The following GRM8 variants were observed in gnomAD, a reference collection of about 807,000 sequenced individuals.
GRM8 encodes metabotropic glutamate receptor 8.
A neutral mutation model predicts 87.2 loss-of-function variants in GRM8; 47 were observed. That is an observed-to-expected ratio of 0.54 (90% CI 0.43 to 0.69). The LOEUF is 0.69. Ranked by LOEUF, GRM8 falls within the 30% of genes least tolerant of loss-of-function variation. The pLI, the probability that GRM8 is intolerant of heterozygous loss-of-function variation, is 0.00. For synonymous variants in GRM8, 396 were observed against 404.5 expected (o/e 0.98, Z 0.25); for missense variants, 1,019 against 1,139.2 (o/e 0.89, Z 1.52).
intron 3 of GRM8, among the ~76,000 whole-genome samples, chr7:126,978,626 C>T (rs926930018): frequency 6.6e-6 from 1 of 152,194 alleles, no homozygotes; most frequent in Non-Finnish European, 1.5e-5. Flanking sequence ...GATGCTGAAA[C>T]CCTGATTGGA....
chr7:126,779,188 G>A (rs1278799168), intron 6 of GRM8, among the ~76,000 whole-genome samples: 1 of 152,010 alleles, frequency 6.6e-6, no homozygotes, highest in Non-Finnish European at 1.5e-5. Flanking sequence ...TATATTCAAT[G>A]TGATATTTGG....
At chr7:126,659,828 A>G (rs1400614844) in intron 7 of GRM8, among the ~76,000 whole-genome samples, 1 of 152,192 alleles carries the variant, frequency 6.6e-6, no homozygotes, top group Non-Finnish European at 1.5e-5. Flanking sequence ...TTTGTGTGCT[A>G]GTAAGACTAA....
chr7:126,664,005 A>G (rs1805497713), intron 7 of GRM8, among the ~76,000 whole-genome samples: 1 of 152,192 alleles, frequency 6.6e-6, no homozygotes, highest in Non-Finnish European at 1.5e-5. Context: ...ATAATGCTCA[A>G]GCTGAGAGCC....
intron 2 of GRM8, among the ~76,000 whole-genome samples, chr7:127,126,132 C>A (rs1827358466): frequency 6.6e-6 from 1 of 151,926 alleles, no homozygotes; most frequent in Admixed American, 6.6e-5. Flanking sequence ...CGGGTATCTA[C>A]CCAAAGGAAA....
At chr7:126,782,409 T>A (rs1820174941) in intron 6 of GRM8, among the ~76,000 whole-genome samples, 1 of 152,218 alleles carries the variant, frequency 6.6e-6, no homozygotes, top group Non-Finnish European at 1.5e-5. Context: ...ATGTCTCTTT[T>A]CAGCTTCATT....
chr7:126,756,529 G>T (rs184241228), intron 7 of GRM8, among the ~76,000 whole-genome samples: 245 of 151,974 alleles, frequency 1.6e-3, no homozygotes, highest in Non-Finnish European at 3.1e-3. Context: ...AACTGATAAA[G>T]GACAACTATA....
At chr7:127,127,760 G>A (rs539590420) in intron 2 of GRM8, among the ~76,000 whole-genome samples, 52 of 152,038 alleles carry the variant, frequency 3.4e-4, no homozygotes, top group Non-Finnish European at 6.2e-4. Context: ...TTTACACTAG[G>A]TGCATATTAT....
At chr7:126,837,400 A>C (rs1795903448) in intron 6 of GRM8, among the ~76,000 whole-genome samples, 1 of 152,276 alleles carries the variant, frequency 6.6e-6, no homozygotes, top group African/African-American at 2.4e-5. Flanking sequence ...TGTAGGGTAC[A>C]TGCCACTTTA....
intron 3 of GRM8, among the ~76,000 whole-genome samples, chr7:126,919,925 G>T (rs756969893): frequency 1.1e-4 from 17 of 152,158 alleles, no homozygotes; most frequent in Non-Finnish European, 2.2e-4. Flanking sequence ...CTCTTGCTGA[G>T]CATGGAAAAT....
chr7:126,673,332 A>G (rs975585335), intron 7 of GRM8, among the ~76,000 whole-genome samples: 10 of 152,172 alleles, frequency 6.6e-5, no homozygotes, highest in Non-Finnish European at 1.5e-4. Flanking sequence ...GGTAAGTCCT[A>G]CAACACTACT....
At chr7:126,779,477 T>C (rs1437259930) in intron 6 of GRM8, among the ~76,000 whole-genome samples, 1 of 152,120 alleles carries the variant, frequency 6.6e-6, no homozygotes, top group Non-Finnish European at 1.5e-5. Flanking sequence ...TTCTGATTAG[T>C]CTAATAGTCT....
chr7:126,971,010 A>G (rs1810361199), intron 3 of GRM8, among the ~76,000 whole-genome samples: 1 of 152,122 alleles, frequency 6.6e-6, no homozygotes, highest in Non-Finnish European at 1.5e-5. Flanking sequence ...AAAGATCACC[A>G]TAACAGATAT....
intron 6 of GRM8, among the ~76,000 whole-genome samples, chr7:126,812,173 C>T (rs557018760): frequency 2.6e-5 from 4 of 152,012 alleles, no homozygotes; most frequent in Admixed American, 6.6e-5. Flanking sequence ...ATAAAAAATA[C>T]AGTAAACAAC....
chr7:127,177,012 A>T (rs1477047006), intron 2 of GRM8, among the ~76,000 whole-genome samples: 1 of 152,110 alleles, frequency 6.6e-6, no homozygotes, highest in African/African-American at 2.4e-5. Flanking sequence ...CTCAGAAGTC[A>T]CGGGAGGGTG....
intron 6 of GRM8, among the ~76,000 whole-genome samples, chr7:126,859,506 G>T (rs952025343): frequency 6.6e-6 from 1 of 152,142 alleles, no homozygotes; most frequent in Non-Finnish European, 1.5e-5. Flanking sequence ...AAGCAAATGC[G>T]CTTATCCAAA....
intron 8 of GRM8, among the ~76,000 whole-genome samples, chr7:126,536,545 T>C (rs1745749168): frequency 6.6e-6 from 1 of 152,184 alleles, no homozygotes; most frequent in African/African-American, 2.4e-5. Flanking sequence ...TCTAGTTTCT[T>C]ATTGGGTTTT....
rs577398512 is a variant in GRM8, at chr7:126,540,593, T to C, written c.1495-6706A>G. Among the ~76,000 whole-genome samples, 19 of 152,298 alleles carry C rather than the reference T, an allele frequency of 1.2e-4. 1 individual carries two copies. In the East Asian group the frequency reaches 3.5e-3, roughly 28 times the overall value. The stretch of plus-strand genomic sequence containing the variant: ...AAAAATGTGGTATATCTATATTACT[T>C]AGCAATCAAAAGGAATAGTGTATTG... On this transcript the variant is annotated intron_variant, in intron 8 of 10. Coordinates refer to ENST00000339582, the MANE Select transcript of GRM8 (RefSeq NM_000845.3).
chr7:126,655,256 C>T (rs1260871861), intron 7 of GRM8, among the ~76,000 whole-genome samples: 1 of 152,186 alleles, frequency 6.6e-6, no homozygotes, highest in Non-Finnish European at 1.5e-5. Context: ...CCCACTGTAT[C>T]AGATCATCTG....
intron 2 of GRM8, among the ~76,000 whole-genome samples, chr7:127,109,118 G>C (rs1034143484): frequency 6.6e-6 from 1 of 152,070 alleles, no homozygotes; most frequent in African/African-American, 2.4e-5. Context: ...TAAAGACCTG[G>C]AATGTTCCTT....
Sources: gnomAD v4.1 joint callset for allele counts (sites outside exome capture counted in the v4.1 genomes callset) on GRCh38, gnomAD v4.1.1 for gene constraint, MANE v1.5 for transcripts, NCBI Gene and HGNC (gene_info 2026-07-23, HGNC 2026-07-21) for gene names.